The following SLC12A5 variants were observed in gnomAD, a reference collection of about 807,000 sequenced individuals.
The protein encoded by SLC12A5 is K-Cl cotransporter 2.
In SLC12A5, 18 loss-of-function variants were observed where a neutral mutation model predicts 124.0. That is an observed-to-expected ratio of 0.15 (90% confidence interval 0.10 to 0.22). SLC12A5 has a LOEUF of 0.22. Among genes scored for constraint, SLC12A5 ranks in the 10% least tolerant of loss-of-function variants. The probability of loss-of-function intolerance (pLI) is 1.00; values close to 1 mark genes in which losing one functional copy is unlikely to be tolerated. For missense variants in SLC12A5, 867 were observed against 1,478.7 expected (o/e 0.59, Z 6.78); for synonymous variants, 589 against 568.0 (o/e 1.04, Z -0.53).
At chr20:46,042,772 C>T (rs1303071854) in intron 8 of SLC12A5, among the ~76,000 whole-genome samples, 2 of 151,830 alleles carry the variant, frequency 1.3e-5, no homozygotes, top group African/African-American at 2.4e-5. Flanking sequence ...CAGTGTAGGG[C>T]AGGGTGTCAG....
chr20:46,052,601 A>G (rs2084655961), intron 18 of SLC12A5, among the ~76,000 whole-genome samples: 5 of 152,232 alleles, frequency 3.3e-5, no homozygotes, highest in Admixed American at 2.0e-4. Context: ...CTACACTGTT[A>G]GCTCCAAGCT....
At position 46,035,410 on chromosome 20, in the gene SLC12A5, A is replaced by G; in HGVS notation, c.154A>G (p.Met52Val). 2 of 1,612,392 alleles carry G rather than the reference A, an allele frequency of 1.2e-6. No homozygotes were observed. The highest frequency in any genetic ancestry group is 1.7e-6 in the Non-Finnish European group (2 of 1,179,016). Residue 52 changes from methionine (M) to valine (V), a missense_variant, in exon 3 of 26, where the codon ATG becomes GTG. Transcript: ENST00000243964. ...GKNMALFEEE[M>V]DTSPMVSSLL... ...TGACACCCTCCCTCCATAGGAGGAG[A>G]TGGACACCAGCCCTATGGTGTCCTC...
At chr20:46,032,055 A>G (rs564693417) in intron 1 of SLC12A5, among the ~76,000 whole-genome samples, 22 of 152,376 alleles carry the variant, frequency 1.4e-4, no homozygotes, top group Admixed American at 7.8e-4. Context: ...GGCGGGACCC[A>G]GAACTAGCCT....
intron 16 of SLC12A5, among the ~76,000 whole-genome samples, chr20:46,048,845 G>T (rs2084623261): frequency 7.0e-6 from 1 of 143,130 alleles, no homozygotes; most frequent in Admixed American, 7.1e-5. Context: ...TCCAGCCTGG[G>T]TGACAGAGTG....
chr20:46,047,936 C>A, intron 15 of SLC12A5, 45 bp from the exon 16 acceptor site: 1 of 1,539,328 alleles, frequency 6.5e-7, no homozygotes, highest in South Asian at 1.2e-5. Flanking sequence ...CTCCCTGCCC[C>A]CTCCTGGCTT....
At position 46,045,793 on chromosome 20, in the gene SLC12A5, C is replaced by A; in HGVS notation, c.1570-85C>A. On this transcript the variant is annotated intron_variant, in intron 12 of 25. Coordinates refer to ENST00000243964, the MANE Select transcript of SLC12A5 (RefSeq NM_020708.5). This position sits in a 1 kb window ranked among gnomAD's most constrained non-coding sequence, Gnocchi z 4.9. ...TCCTCTTTGGTGATAGGATTCCTGC[C>A]TCTACTCCACTGGTTCCCGAGGCTA... 1 of 1,056,458 alleles carries A rather than the reference C, an allele frequency of 9.5e-7. No homozygotes were observed. The highest frequency in any genetic ancestry group is 1.4e-6 in the Non-Finnish European group (1 of 697,842). The allele number at this position is 1,056,458 out of a possible 1,614,324, so 65.4% of individuals were successfully genotyped here.
At chr20:46,032,136 C>G (rs535915720) in intron 1 of SLC12A5, among the ~76,000 whole-genome samples, 44 of 152,350 alleles carry the variant, frequency 2.9e-4, no homozygotes, top group Non-Finnish European at 5.6e-4. Flanking sequence ...CCGCGCTGCG[C>G]GCCGCGTTAC....
Position 46,023,070 on chromosome 20 carries a change from A to AG in SLC12A5, c.190+1dup. ...CCGCCAGGGGTCGCTGCCGAGCCGC[A>AG]GGTGAGCTCGCCCCGAAGCAAACCC... On this transcript the variant is annotated frameshift_variant and splice_region_variant, in exon 2 of 3. Coordinates refer to the SLC12A5 transcript ENST00000413737. LOFTEE classifies it high-confidence loss of function. 2.5e-6 allele frequency: 1 copy of AG among 400,940 alleles called. No homozygotes were observed. Among genetic ancestry groups the AG allele is most frequent in the Non-Finnish European group, 4.4e-6 (1 of 228,090 alleles). The allele number at this position is 400,940 out of a possible 1,614,324, so 24.8% of individuals were successfully genotyped here.
rs1383866766 is a variant in SLC12A5, at chr20:46,049,697, C to T, written c.2088C>T (p.Ser696=). ...VVHPQLLSLT[S]QLKAGKGLTI... ...ACCCCCAGCTGCTCTCACTGACCTC[C>T]CAGCTGAAGGCGGGGAAGGGCCTGA... The change falls in exon 17 of 26, where the codon TCC becomes TCT. Residue 696 remains serine (S), a synonymous_variant. Transcript: ENST00000243964. 6.2e-7 allele frequency: 1 copy of T among 1,606,474 alleles called. No homozygotes were observed. Among genetic ancestry groups the T allele is most frequent in the Admixed American group, 1.7e-5 (1 of 58,742 alleles).
chr20:46,048,138 G>C (rs12480008), intron 16 of SLC12A5, 53 bp downstream of exon 16: 40,090 of 1,492,494 alleles, frequency 0.027, 944 homozygotes, highest in Admixed American at 0.12. Context: ...TGAGTGCAAG[G>C]CTCAGGAGAC....
chr20:46,041,523 C>T lies in SLC12A5; in HGVS notation c.1049C>T (p.Ala350Val). 1.2e-6 allele frequency: 2 copies of T among 1,613,934 alleles called. No homozygotes were observed. The highest frequency in any genetic ancestry group is 1.7e-6 in the Non-Finnish European group (2 of 1,179,958). The change falls in exon 8 of 26, where the codon GCC becomes GTC. Residue 350 changes from alanine to valine, a missense_variant. Physicochemically the swap from Ala to Val is moderately conservative, Grantham distance 64. Transcript: ENST00000243964. Reference protein sequence around the residue: ...VTEIQGIPGAASGLIKENLWS... With the variant: ...VTEIQGIPGAVSGLIKENLWS... The stretch of plus-strand genomic sequence containing the variant: ...GAGATCCAGGGCATCCCTGGTGCTG[C>T]CAGTGGCCTCATCAAAGGTCTGCGG...
chr20:46,031,723 C>G (rs576755622), intron 1 of SLC12A5, among the ~76,000 whole-genome samples: 4 of 152,332 alleles, frequency 2.6e-5, no homozygotes, highest in Admixed American at 6.5e-5. Flanking sequence ...CCTGTTTCCT[C>G]CCCGGGAGCT....
At chr20:46,039,516 T>A (rs1008361387) in intron 6 of SLC12A5, among the ~76,000 whole-genome samples, 4 of 152,232 alleles carry the variant, frequency 2.6e-5, no homozygotes, top group African/African-American at 9.6e-5. Context: ...GGCTCATGCC[T>A]GTAATCCCAG....
rs775926103 is a variant in SLC12A5, at chr20:46,037,340, C to T, written c.567C>T (p.Thr189=). ...GCCTCTGCTTCTACCTGGGCACTAC[C>T]TTTGCAGGAGCCATGTACATCCTGG... ...AVGLCFYLGT[T]FAGAMYILGT... The change falls in exon 6 of 26, where the codon ACC becomes ACT. Residue 189 remains threonine, a synonymous_variant. Coordinates refer to ENST00000243964, the MANE Select transcript of SLC12A5 (RefSeq NM_020708.5). The T allele has an allele frequency of 3.1e-6, 5 of 1,613,282 alleles. No individual in the cohort carries two copies. Among genetic ancestry groups the T allele is most frequent in the Non-Finnish European group, 4.2e-6 (5 of 1,179,508 alleles).
chr20:46,043,212 T>G lies in SLC12A5; in HGVS notation c.1126T>G (p.Ser376Ala). The G allele has an allele frequency of 6.2e-7, 1 of 1,613,990 alleles. No homozygotes were observed. The highest frequency in any genetic ancestry group is 2.2e-5 in the East Asian group (1 of 44,876). Residue 376 changes from serine (S) to alanine (A), a missense_variant, in exon 9 of 26, where the codon TCG becomes GCG. By Grantham distance (99) the Ser-to-Ala change is moderately conservative. Transcript: ENST00000243964. Reference protein sequence around the residue: ...GVIVERSGMTSVGLADGTPID... With the variant: ...GVIVERSGMTAVGLADGTPID... ...GATTGTGGAGAGGAGTGGGATGACC[T>G]CGGTGGGCCTGGCCGATGGCACTCC... is the stretch of plus-strand genomic sequence containing the variant.
chr20:46,036,535 T>G, intron 4 of SLC12A5: 1 of 475,400 alleles, frequency 2.1e-6, no homozygotes, highest in Non-Finnish European at 3.9e-6. Flanking sequence ...GTGGCTTGCT[T>G]GGGCTCCTTC....
chr20:46,053,237 G>A lies in SLC12A5; in HGVS notation c.2547+111G>A. ...GACTCAGGGGCTCTGGCCAGGGTCA[G>A]CTTCCGTGTCCTTCCTCCCCTGTAA... On this transcript the variant is annotated intron_variant, in intron 19 of 25. Transcript: ENST00000243964. The surrounding 1 kb of genome is among the most constrained non-coding windows in gnomAD (Gnocchi z 4.7). 8.2e-7 allele frequency: 1 copy of A among 1,221,366 alleles called. No homozygotes were observed. 75.7% of individuals were successfully genotyped at this position (1,221,366 alleles called of 1,614,324 possible). A position where few individuals can be genotyped will look rare whatever the true frequency, so the allele number is the denominator to read the frequency against.
chr20:46,030,561 GCGCGCCTCC>G (rs1195070919), intron 1 of SLC12A5, among the ~76,000 whole-genome samples: 2 of 148,846 alleles, frequency 1.3e-5, no homozygotes, highest in African/African-American at 5.0e-5. Context: ...CTGCGCACTA[GCGCGCCTCC>G]CGCGCCTGCT....
At chr20:46,023,120 C>A in intron 2 of SLC12A5, 1 of 398,540 alleles carries the variant, frequency 2.5e-6, no homozygotes. Context: ...CTAGAGTAAC[C>A]CTTAGGGGGT....
Sources: allele counts gnomAD v4.1 joint callset (sites outside exome capture counted in the v4.1 genomes callset), GRCh38; gene constraint gnomAD v4.1.1; non-coding constraint Gnocchi (gnomAD v3.1); transcripts MANE v1.5; gene names NCBI Gene and HGNC (gene_info 2026-07-23, HGNC 2026-07-21).